The following SGCD variants were observed in gnomAD, a reference collection of about 807,000 sequenced individuals.
SGCD encodes delta-sarcoglycan.
In SGCD, 18 loss-of-function variants were observed where a neutral mutation model predicts 36.6. The ratio of observed to expected loss-of-function variants is 0.49; its 90% confidence interval spans 0.34 to 0.73. The LOEUF (loss-of-function observed/expected upper bound fraction) is 0.73. Among genes scored for constraint, SGCD ranks in the 30% least tolerant of loss-of-function variants. The pLI is 0.01. For synonymous variants in SGCD, 133 were observed against 130.6 expected (o/e 1.02, Z -0.12); for missense variants, 387 against 346.7 (o/e 1.12, Z -0.92).
intron 7 of SGCD, among the ~76,000 whole-genome samples, chr5:156,653,976 A>G (rs528796625): frequency 1.3e-5 from 2 of 152,226 alleles, no homozygotes; most frequent in East Asian, 1.9e-4. Context: ...TGGAGGGAAA[A>G]GAGCACTGTG....
At position 156,757,704 on chromosome 5, in the gene SGCD, GGT is replaced by G; in HGVS notation, c.699+2_699+3del. 5.0e-6 allele frequency: 8 copies of G among 1,602,188 alleles called. No individual in the cohort carries two copies. Among genetic ancestry groups the G allele is most frequent in the Non-Finnish European group, 6.8e-6 (8 of 1,174,394 alleles). ...TGAGACTGGAATCCAAAGATGGAGA[GGT>G]GAGGGATGAGAAGGACAGAAGTTCA... is the stretch of plus-strand genomic sequence containing the variant. On this transcript the variant is annotated splice_donor_variant, in intron 8 of 8. Transcript: ENST00000337851. LOFTEE classifies it high-confidence loss of function.
At chr5:155,900,341 A>G (rs2113336108) in intron 1 of SGCD, among the ~76,000 whole-genome samples, 1 of 152,314 alleles carries the variant, frequency 6.6e-6, no homozygotes, top group South Asian at 2.1e-4. Context: ...TAAAAACAAC[A>G]CAAATTAAAA....
At chr5:155,946,270 C>T (rs939696755) in intron 1 of SGCD, among the ~76,000 whole-genome samples, 1 of 152,020 alleles carries the variant, frequency 6.6e-6, no homozygotes, top group Non-Finnish European at 1.5e-5. Flanking sequence ...ATCATAACCA[C>T]CTTGCAAGTT....
At chr5:156,468,842 AC>A (rs907319580) in intron 3 of SGCD, among the ~76,000 whole-genome samples, 2 of 152,180 alleles carry the variant, frequency 1.3e-5, no homozygotes, top group Non-Finnish European at 2.9e-5. Flanking sequence ...TAATAAAAAA[AC>A]TAGCCAGGCG....
intron 1 of SGCD, among the ~76,000 whole-genome samples, chr5:155,945,879 T>C (rs995192515): frequency 5.3e-5 from 8 of 152,160 alleles, no homozygotes; most frequent in Non-Finnish European, 1.2e-4. Flanking sequence ...CTGTGGCTGC[T>C]TTGTAGAGAG....
chr5:156,452,725 A>T (rs1754075539), intron 3 of SGCD, among the ~76,000 whole-genome samples: 1 of 152,208 alleles, frequency 6.6e-6, no homozygotes, highest in Non-Finnish European at 1.5e-5. Context: ...CCATAAAGCT[A>T]AGATTCCACG....
intron 2 of SGCD, among the ~76,000 whole-genome samples, chr5:156,338,215 C>T (rs1437307498): frequency 6.6e-6 from 1 of 152,000 alleles, no homozygotes; most frequent in Non-Finnish European, 1.5e-5. Context: ...TGCATTTTTG[C>T]ACAGCAAATT....
At position 156,213,531 on chromosome 5, in the gene SGCD, T is replaced by C. The variant is rs79331589; in HGVS notation, c.-44+89512T>C. Among the ~76,000 whole-genome samples the C allele has an allele frequency of 3.5e-3, 528 of 152,088 alleles. 2 individuals carry two copies. Among genetic ancestry groups the C allele is most frequent in the African/African-American group, 0.012 (506 of 41,532 alleles). On this transcript the variant is annotated intron_variant, in intron 3 of 9. Coordinates refer to the SGCD transcript ENST00000517913. ...CTGATAGCTTCACTGCTGAATTCTATCAAACATTTAAAAAAGAACTAATAT... is the reference window on the plus strand; with the variant it reads ...CTGATAGCTTCACTGCTGAATTCTACCAAACATTTAAAAAAGAACTAATAT...
At chr5:155,982,753 T>C (rs1178492593) in intron 1 of SGCD, among the ~76,000 whole-genome samples, 1 of 152,196 alleles carries the variant, frequency 6.6e-6, no homozygotes, top group Non-Finnish European at 1.5e-5. Flanking sequence ...ATACTGGTGA[T>C]GAATGACTCG....
chr5:156,531,180 A>T (rs567801581), intron 4 of SGCD, among the ~76,000 whole-genome samples: 5 of 152,276 alleles, frequency 3.3e-5, no homozygotes. Context: ...CCATGTGAGG[A>T]CATAGTATTC....
intron 3 of SGCD, among the ~76,000 whole-genome samples, chr5:156,206,044 A>G (rs952699384): frequency 6.7e-6 from 1 of 148,988 alleles, no homozygotes; most frequent in African/African-American, 2.4e-5. Context: ...ACAAATGAAT[A>G]TGTGCATCTA....
At chr5:156,592,474 T>C (rs1487352087) in intron 5 of SGCD, among the ~76,000 whole-genome samples, 9 of 152,186 alleles carry the variant, frequency 5.9e-5, no homozygotes, top group Non-Finnish European at 1.3e-4. Flanking sequence ...ATTGGACATC[T>C]CAGCTCTTTC....
At chr5:156,225,180 T>C (rs1764820238) in intron 3 of SGCD, among the ~76,000 whole-genome samples, 1 of 152,240 alleles carries the variant, frequency 6.6e-6, no homozygotes, top group Non-Finnish European at 1.5e-5. Flanking sequence ...AAACACTTTA[T>C]TCCCTTGGTG....
chr5:156,073,207 A>C (rs192968724), intron 1 of SGCD, among the ~76,000 whole-genome samples: 3 of 152,170 alleles, frequency 2.0e-5, no homozygotes, highest in Admixed American at 2.0e-4. Context: ...GACGGAGTAG[A>C]TGCAAAGTTA....
At chr5:156,450,325 A>C (rs1247651996) in intron 3 of SGCD, among the ~76,000 whole-genome samples, 2 of 152,088 alleles carry the variant, frequency 1.3e-5, no homozygotes, top group Non-Finnish European at 1.5e-5. Flanking sequence ...AAATGTGGAC[A>C]CATGTTTAAA....
intron 1 of SGCD, among the ~76,000 whole-genome samples, chr5:156,077,368 T>A (rs1760813087): frequency 6.6e-6 from 1 of 152,126 alleles, no homozygotes; most frequent in South Asian, 2.1e-4. Flanking sequence ...AGCCCTATAT[T>A]CTTATTATTG....
chr5:156,365,457 C>A (rs1770044602), intron 3 of SGCD, among the ~76,000 whole-genome samples: 1 of 152,150 alleles, frequency 6.6e-6, no homozygotes, highest in African/African-American at 2.4e-5. Flanking sequence ...TTAGGAGATG[C>A]TTTATCTTCT....
intron 6 of SGCD, among the ~76,000 whole-genome samples, chr5:156,606,166 C>T (rs1308375071): frequency 6.6e-6 from 1 of 151,966 alleles, no homozygotes; most frequent in African/African-American, 2.4e-5. Flanking sequence ...TTCTAGGGTT[C>T]TTATGGTTTT....
chr5:155,896,472 CAA>C (rs34729768), intron 1 of SGCD, among the ~76,000 whole-genome samples: 94,473 of 125,220 alleles, frequency 0.75, 35,306 homozygotes, highest in Middle Eastern at 0.83. Context: ...CCTGTCTCTA[CAA>C]AAAAAAAAAA....
Sources: gnomAD v4.1 joint callset for allele counts (sites outside exome capture counted in the v4.1 genomes callset) on GRCh38, gnomAD v4.1.1 for gene constraint, MANE v1.5 for transcripts, NCBI Gene and HGNC (gene_info 2026-07-23, HGNC 2026-07-21) for gene names.